ATF7IP2: variants seen among roughly 807,000 people sequenced by gnomAD.
ATF7IP2 encodes the protein activating transcription factor 7 interacting protein 2.
In ATF7IP2, 42 loss-of-function variants were observed where a neutral mutation model predicts 64.2. The ratio of observed to expected loss-of-function variants is 0.65; its 90% CI spans 0.51 to 0.85. The LOEUF (loss-of-function observed/expected upper bound fraction) is 0.85. ATF7IP2 is among the 40% of genes least tolerant of loss of function. ATF7IP2 has a pLI of 0.00. For missense variants in ATF7IP2, 933 were observed against 784.2 expected (o/e 1.19, Z -2.27); for synonymous variants, 308 against 272.8 (o/e 1.13, Z -1.27).
chr16:10,421,973 G>T (rs2047996357), intron 3 of ATF7IP2, among the ~76,000 whole-genome samples: 4 of 152,242 alleles, frequency 2.6e-5, no homozygotes, highest in Admixed American at 2.0e-4. Flanking sequence ...CAATTTTTCA[G>T]AATCATAGCA....
chr16:10,407,966 C>G (rs1214687532), intron 1 of ATF7IP2, among the ~76,000 whole-genome samples: 1 of 151,362 alleles, frequency 6.6e-6, no homozygotes, highest in Non-Finnish European at 1.5e-5. Flanking sequence ...GGCTGGAGTG[C>G]AGTGGCATGA....
In ATF7IP2 at chr16:10,419,568, C is replaced by A; in HGVS notation, c.-202-13C>A. On this transcript the variant is annotated splice_polypyrimidine_tract_variant and intron_variant, in intron 2 of 13. Coordinates refer to ENST00000562102, the MANE Select transcript of ATF7IP2 (RefSeq NM_001393719.1). ...AAATTACTCATTGTGATTGGTTGTT[C>A]CGCTTTCCTCAGGTTTTCTTCCGCC... 6.5e-6 allele frequency: 1 copy of A among 153,274 alleles called. No individual in the cohort carries two copies. Among genetic ancestry groups the A allele is most frequent in the South Asian group, 1.9e-4 (1 of 5,394 alleles). The allele number at this position is 153,274 out of a possible 1,614,324, so 9.5% of individuals were successfully genotyped here. A position where few individuals can be genotyped will look rare whatever the true frequency, so the allele number is the denominator to read the frequency against.
intron 8 of ATF7IP2, among the ~76,000 whole-genome samples, chr16:10,450,152 G>A (rs1398131017): frequency 1.3e-5 from 2 of 152,128 alleles, no homozygotes; most frequent in Non-Finnish European, 2.9e-5. Context: ...TTAATACTGA[G>A]TTCTAATTTT....
intron 2 of ATF7IP2, among the ~76,000 whole-genome samples, chr16:10,417,789 A>G (rs1567439146): frequency 6.6e-6 from 1 of 152,228 alleles, no homozygotes. Context: ...CACAAATGAC[A>G]GTAATCAAGA....
intron 9 of ATF7IP2, among the ~76,000 whole-genome samples, chr16:10,459,066 G>C (rs888112845): frequency 6.6e-6 from 1 of 152,146 alleles, no homozygotes; most frequent in Non-Finnish European, 1.5e-5. Flanking sequence ...AGGCACGGTG[G>C]CTCATGCCTG....
chr16:10,406,983 G>A (rs1241324507), intron 1 of ATF7IP2, among the ~76,000 whole-genome samples: 1 of 152,128 alleles, frequency 6.6e-6, no homozygotes, highest in South Asian at 2.1e-4. Flanking sequence ...GAGTATTGAT[G>A]TAAAAATCAG....
intron 1 of ATF7IP2, among the ~76,000 whole-genome samples, chr16:10,393,248 T>C (rs1208104062): frequency 7.0e-6 from 1 of 142,874 alleles, no homozygotes; most frequent in Non-Finnish European, 1.5e-5. Flanking sequence ...AGGCGGAGGT[T>C]GCAGTGAGCT....
chr16:10,404,061 A>T (rs930445767), intron 1 of ATF7IP2, among the ~76,000 whole-genome samples: 1 of 152,210 alleles, frequency 6.6e-6, no homozygotes, highest in African/African-American at 2.4e-5. Flanking sequence ...AAAGATTCAG[A>T]CATCTTAGAT....
chr16:10,417,838 G>A (rs763664462), intron 2 of ATF7IP2, among the ~76,000 whole-genome samples: 30 of 152,144 alleles, frequency 2.0e-4, no homozygotes, highest in Admixed American at 2.6e-4. Flanking sequence ...GAATAGAATC[G>A]TGAACCCAGA....
At chr16:10,407,024 C>T (rs751352446) in intron 1 of ATF7IP2, among the ~76,000 whole-genome samples, 1 of 152,034 alleles carries the variant, frequency 6.6e-6, no homozygotes, top group Non-Finnish European at 1.5e-5. Context: ...TTTAACAGTG[C>T]ATGAAGAAGA....
chr16:10,406,002 T>C (rs966671294), intron 1 of ATF7IP2, among the ~76,000 whole-genome samples: 2 of 152,066 alleles, frequency 1.3e-5, no homozygotes, highest in African/African-American at 2.4e-5. Context: ...AGCAGGAGAA[T>C]TGCTTGAACC....
intron 12 of ATF7IP2, among the ~76,000 whole-genome samples, chr16:10,476,627 TTAAC>T (rs1664110080): frequency 6.6e-6 from 1 of 152,114 alleles, no homozygotes; most frequent in Admixed American, 6.5e-5. Flanking sequence ...CTGGCATGCA[TTAAC>T]TATTTTTCCT....
chr16:10,406,131 T>C (rs1339203094), intron 1 of ATF7IP2, among the ~76,000 whole-genome samples: 1 of 151,828 alleles, frequency 6.6e-6, no homozygotes. Context: ...TTTCATAGAA[T>C]ATTTTACTCT....
chr16:10,418,882 T>C (rs2047931611), intron 2 of ATF7IP2, among the ~76,000 whole-genome samples: 1 of 152,228 alleles, frequency 6.6e-6, no homozygotes, highest in Non-Finnish European at 1.5e-5. Flanking sequence ...TAGGAACTCT[T>C]GCCATACTTC....
chr16:10,472,475 C>T (rs1014709330), intron 10 of ATF7IP2, among the ~76,000 whole-genome samples: 1 of 151,928 alleles, frequency 6.6e-6, no homozygotes, highest in Non-Finnish European at 1.5e-5. Context: ...TTTGCCCTGG[C>T]CTTTTTTTGA....
Position 10,430,745 on chromosome 16 carries a change from T to C in ATF7IP2, c.125T>C (p.Ile42Thr). 4 of 1,614,042 alleles carry C rather than the reference T, an allele frequency of 2.5e-6. No individual in the cohort carries two copies. Among genetic ancestry groups the C allele is most frequent in the Non-Finnish European group, 2.5e-6 (3 of 1,179,980 alleles). Residue 42 changes from isoleucine to threonine, a missense_variant, in exon 5 of 14, where the codon ATT (isoleucine) becomes ACT (threonine). Ile to Thr is a moderately conservative substitution (Grantham distance 89, BLOSUM62 -1). Transcript: ENST00000562102. ...AATGTTGAAGCGCTGAAAACAGCAA[T>C]TGGGAGTAATGTTCCAAGCGGTAAT... is the stretch of plus-strand genomic sequence containing the variant. ...SRNVEALKTA[I>T]GSNVPSGNQS...
At chr16:10,400,802 C>G (rs950710543) in intron 1 of ATF7IP2, among the ~76,000 whole-genome samples, 1 of 152,132 alleles carries the variant, frequency 6.6e-6, no homozygotes, top group South Asian at 2.1e-4. Context: ...ATGCCTCAGC[C>G]TCCTGAGTAG....
At chr16:10,434,847 G>T (rs2048366345) in intron 6 of ATF7IP2, among the ~76,000 whole-genome samples, 1 of 152,150 alleles carries the variant, frequency 6.6e-6, no homozygotes, top group African/African-American at 2.4e-5. Context: ...ACCCAGACTG[G>T]AGTGCAGTGG....
rs148706229 is a variant in ATF7IP2, at chr16:10,470,312, A to G, written c.1353-1798A>G. Among the ~76,000 whole-genome samples the G allele has an allele frequency of 3.6e-3, 543 of 152,280 alleles. 1 individual carries two copies. The highest frequency in any genetic ancestry group is 0.017 in the Middle Eastern group (5 of 294). ...ACAATGACTTCAGAGAACATAATAT[A>G]TTTAGGGATAAACCAAAACCACCTA... On this transcript the variant is annotated intron_variant, in intron 9 of 13. Coordinates refer to ENST00000562102, the MANE Select transcript of ATF7IP2 (RefSeq NM_001393719.1).
Sources: gnomAD v4.1 joint callset for allele counts (sites outside exome capture counted in the v4.1 genomes callset) on GRCh38, gnomAD v4.1.1 for gene constraint, MANE v1.5 for transcripts, NCBI Gene and HGNC (gene_info 2026-07-23, HGNC 2026-07-21) for gene names.